The following RSRC1 variants were observed in gnomAD, a reference collection of about 807,000 sequenced individuals.
RSRC1 encodes the protein serine/Arginine-related protein 53.
In RSRC1, 39 loss-of-function variants were observed where a neutral mutation model predicts 49.1. The observed-to-expected ratio is 0.79, with a 90% CI of 0.61 to 1.04. RSRC1 has a LOEUF of 1.04. Ranked by LOEUF, RSRC1 falls within the 50% of genes least tolerant of loss-of-function variation. The pLI is 0.00. For missense variants in RSRC1, 388 were observed against 402.4 expected, an observed-to-expected ratio of 0.96 and a Z score of 0.31; for synonymous variants, 143 against 130.8, an observed-to-expected ratio of 1.09 and a Z score of -0.63.
intron 6 of RSRC1, among the ~76,000 whole-genome samples, chr3:158,454,117 CT>C (rs1458142257): frequency 6.6e-6 from 1 of 151,962 alleles, no homozygotes; most frequent in African/African-American, 2.4e-5. Context: ...GAAACTGTGC[CT>C]TTCTAAAGTT....
chr3:158,122,180 T>C lies in RSRC1; in HGVS notation c.76T>C (p.Ser26Pro). 1 of 1,604,302 alleles carries C rather than the reference T, an allele frequency of 6.2e-7. No homozygotes were observed. Among genetic ancestry groups the C allele is most frequent in the Non-Finnish European group, 8.5e-7 (1 of 1,174,590 alleles). Residue 26 changes from serine to proline, a missense_variant, in exon 2 of 10, where the codon TCG becomes CCG. Physicochemically the swap from Ser to Pro is moderately conservative, Grantham distance 74. Coordinates refer to ENST00000611884, the MANE Select transcript of RSRC1 (RefSeq NM_001271838.2). ...AAAGAAACACCGTAGACGGTCCTCC[T>C]CGAGCAGTTCTTCAGATAGTAGAAC... ...RKKKHRRRSSSSSSSDSRTYS... is the reference protein window; with the variant it reads ...RKKKHRRRSSPSSSSDSRTYS...
At chr3:158,438,983 C>A (rs1411958480) in intron 6 of RSRC1, among the ~76,000 whole-genome samples, 1 of 151,952 alleles carries the variant, frequency 6.6e-6, no homozygotes, top group Admixed American at 6.6e-5. Flanking sequence ...AAAAAACAAC[C>A]CCATCAAAAA....
At chr3:158,505,007 T>C (rs1739786221) in intron 7 of RSRC1, among the ~76,000 whole-genome samples, 1 of 152,228 alleles carries the variant, frequency 6.6e-6, no homozygotes, top group Admixed American at 6.5e-5. Flanking sequence ...TTCTTGTGTA[T>C]TACTAACACA....
At chr3:158,118,333 A>G (rs1714985750) in intron 1 of RSRC1, among the ~76,000 whole-genome samples, 1 of 150,806 alleles carries the variant, frequency 6.6e-6, no homozygotes, top group South Asian at 2.1e-4. Flanking sequence ...TTTTGGACTC[A>G]AGGGATCCTC....
intron 3 of RSRC1, among the ~76,000 whole-genome samples, chr3:158,127,600 A>G (rs1179852848): frequency 6.6e-6 from 1 of 151,434 alleles, no homozygotes; most frequent in Non-Finnish European, 1.5e-5. Flanking sequence ...TTAGTTGTGC[A>G]TCTGTGTTCT....
At chr3:158,283,680 A>C (rs1165859444) in intron 4 of RSRC1, among the ~76,000 whole-genome samples, 1 of 152,124 alleles carries the variant, frequency 6.6e-6, no homozygotes, top group African/African-American at 2.4e-5. Flanking sequence ...GGAGTGATTA[A>C]TATTTTGTGA....
intron 4 of RSRC1, among the ~76,000 whole-genome samples, chr3:158,241,233 A>G (rs2107992845): frequency 6.6e-6 from 1 of 152,228 alleles, no homozygotes; most frequent in Middle Eastern, 3.4e-3. Context: ...GGATCACTTG[A>G]GACCAGGAGT....
At chr3:158,130,723 C>T (rs1715961615) in intron 3 of RSRC1, among the ~76,000 whole-genome samples, 1 of 152,148 alleles carries the variant, frequency 6.6e-6, no homozygotes, top group Non-Finnish European at 1.5e-5. Flanking sequence ...TTCTGGCACT[C>T]AGAAAGTTTC....
intron 7 of RSRC1, among the ~76,000 whole-genome samples, chr3:158,501,394 T>A (rs1739584053): frequency 6.6e-6 from 1 of 152,232 alleles, no homozygotes; most frequent in Non-Finnish European, 1.5e-5. Context: ...CAAGGTATAG[T>A]TTAAATCCAG....
At chr3:158,510,285 A>T (rs182600899) in intron 7 of RSRC1, among the ~76,000 whole-genome samples, 5 of 152,230 alleles carry the variant, frequency 3.3e-5, no homozygotes, top group Admixed American at 3.3e-4. Flanking sequence ...TTTTAATTAC[A>T]TGTTTCTATT....
At chr3:158,434,800 T>C (rs1735960254) in intron 6 of RSRC1, among the ~76,000 whole-genome samples, 4 of 151,982 alleles carry the variant, frequency 2.6e-5, no homozygotes, top group African/African-American at 9.7e-5. Flanking sequence ...AGTAAAAATA[T>C]GAATACTTAT....
At chr3:158,353,594 C>G (rs1730992816) in intron 5 of RSRC1, among the ~76,000 whole-genome samples, 2 of 152,196 alleles carry the variant, frequency 1.3e-5, no homozygotes, top group Non-Finnish European at 2.9e-5. Flanking sequence ...TCTCATCTAC[C>G]ACTCTTCCAT....
intron 6 of RSRC1, among the ~76,000 whole-genome samples, chr3:158,417,391 T>C (rs1734800848): frequency 6.6e-6 from 1 of 152,094 alleles, no homozygotes; most frequent in Admixed American, 6.6e-5. Flanking sequence ...TGTTTTCCTT[T>C]TTTCTTCCTT....
intron 6 of RSRC1, among the ~76,000 whole-genome samples, chr3:158,385,543 A>G (rs571492628): frequency 1.3e-5 from 2 of 152,294 alleles, no homozygotes; most frequent in East Asian, 3.9e-4. Context: ...ATATGCATTA[A>G]CAACTCAGTT....
At chr3:158,404,168 C>A (rs1434470664) in intron 6 of RSRC1, among the ~76,000 whole-genome samples, 19 of 151,786 alleles carry the variant, frequency 1.3e-4, no homozygotes, top group Non-Finnish European at 2.2e-4. Context: ...GTCAGAATTT[C>A]ATATTTGTTG....
intron 6 of RSRC1, among the ~76,000 whole-genome samples, chr3:158,382,250 A>G (rs942758908): frequency 6.6e-6 from 1 of 152,144 alleles, no homozygotes; most frequent in African/African-American, 2.4e-5. Flanking sequence ...CTCCTATGAT[A>G]ATAGTGCCTT....
intron 4 of RSRC1, among the ~76,000 whole-genome samples, chr3:158,237,258 A>G (rs553715336): frequency 6.6e-6 from 1 of 152,278 alleles, no homozygotes; most frequent in Admixed American, 6.5e-5. Flanking sequence ...TAAACACCTA[A>G]CAGTCAGTTT....
chr3:158,383,052 A>T (rs183615426), intron 6 of RSRC1, among the ~76,000 whole-genome samples: 167 of 152,324 alleles, frequency 1.1e-3, no homozygotes, highest in Admixed American at 1.7e-3. Context: ...GAAAGTGCTT[A>T]AATTTGACCT....
chr3:158,434,200 A>C (rs1735922368), intron 6 of RSRC1, among the ~76,000 whole-genome samples: 1 of 152,022 alleles, frequency 6.6e-6, no homozygotes, highest in South Asian at 2.1e-4. Flanking sequence ...AAAATGTTAT[A>C]AATTATAAAA....
Sources: gnomAD v4.1 joint callset for allele counts (sites outside exome capture counted in the v4.1 genomes callset) on GRCh38, gnomAD v4.1.1 for gene constraint, MANE v1.5 for transcripts, NCBI Gene and HGNC (gene_info 2026-07-23, HGNC 2026-07-21) for gene names.